TAFA2: variants seen among roughly 807,000 people sequenced by gnomAD.
TAFA2 encodes the protein chemokine-like protein TAFA-2.
Under a neutral mutation model 18.8 loss-of-function variants are expected in TAFA2, and 7 were observed. The observed-to-expected ratio is 0.37, with a 90% confidence interval of 0.21 to 0.70. The LOEUF is 0.70. Among genes scored for constraint, TAFA2 ranks in the 30% least tolerant of loss-of-function variants. The probability of loss-of-function intolerance (pLI) is 0.53; values close to 1 mark genes in which losing one functional copy is unlikely to be tolerated. For synonymous variants in TAFA2, 60 were observed against 54.2 expected (o/e 1.11, Z -0.47); for missense variants, 122 against 158.1 (o/e 0.77, Z 1.23).
At chr12:61,985,688 C>T (rs545078618) in intron 1 of TAFA2, among the ~76,000 whole-genome samples, 1 of 152,186 alleles carries the variant, frequency 6.6e-6, no homozygotes, top group Non-Finnish European at 1.5e-5. Context: ...TTGCTGATAA[C>T]ATCTTTCTCT....
chr12:61,889,349 A>G (rs1414176070), intron 1 of TAFA2, among the ~76,000 whole-genome samples: 2 of 152,196 alleles, frequency 1.3e-5, no homozygotes, highest in African/African-American at 4.8e-5. Context: ...CACCTCTCTT[A>G]GAATCTGTTC....
chr12:61,908,306 T>C (rs1876451593), intron 1 of TAFA2, among the ~76,000 whole-genome samples: 1 of 152,114 alleles, frequency 6.6e-6, no homozygotes. Flanking sequence ...CTGGTGCTTT[T>C]CTCATGATAG....
chr12:61,803,665 C>A (rs1441332601), intron 2 of TAFA2, among the ~76,000 whole-genome samples: 1 of 151,822 alleles, frequency 6.6e-6, no homozygotes, highest in Non-Finnish European at 1.5e-5. Context: ...TATTAGATAA[C>A]TATAGTTCAT....
chr12:62,162,335 G>A (rs555340030), intron 1 of TAFA2, among the ~76,000 whole-genome samples: 1 of 152,226 alleles, frequency 6.6e-6, no homozygotes, highest in Admixed American at 6.5e-5. Context: ...TAATTACCAG[G>A]TACACTTAGG....
At chr12:62,154,264 G>A (rs948539709) in intron 1 of TAFA2, among the ~76,000 whole-genome samples, 2 of 152,142 alleles carry the variant, frequency 1.3e-5, no homozygotes, top group Non-Finnish European at 2.9e-5. Flanking sequence ...ATCTATAACA[G>A]CTCTAACTAT....
chr12:62,034,595 A>C (rs1344388334), intron 1 of TAFA2, among the ~76,000 whole-genome samples: 2 of 152,158 alleles, frequency 1.3e-5, no homozygotes, highest in African/African-American at 2.4e-5. Context: ...TATTTGACTG[A>C]GTATATATTA....
intron 2 of TAFA2, among the ~76,000 whole-genome samples, chr12:61,832,057 C>T (rs1250327121): frequency 1.3e-5 from 2 of 152,006 alleles, no homozygotes; most frequent in South Asian, 2.1e-4. Context: ...TGAAATCTTC[C>T]TTCACGCTTG....
upstream of TAFA2, among the ~76,000 whole-genome samples, chr12:62,194,109 T>C (rs2062638502): frequency 6.6e-6 from 1 of 152,200 alleles, no homozygotes; most frequent in South Asian, 2.1e-4. Flanking sequence ...ACTTACATAG[T>C]AACTTATATC....
chr12:61,839,245 A>C (rs533890194), intron 2 of TAFA2, among the ~76,000 whole-genome samples: 1 of 152,204 alleles, frequency 6.6e-6, no homozygotes, highest in Admixed American at 6.6e-5. Context: ...CAGACAAAGA[A>C]GGAATATCCA....
chr12:62,258,792 T>C (rs1302520318), exon 1 of TAFA2: 9 of 352,018 alleles, frequency 2.6e-5, no homozygotes, highest in Non-Finnish European at 5.2e-5. Context: ...ATGTTTTCCA[T>C]ATTCTGCAGC....
chr12:61,870,063 GACA>G (rs1874532782), intron 1 of TAFA2, among the ~76,000 whole-genome samples: 1 of 152,092 alleles, frequency 6.6e-6, no homozygotes, highest in Non-Finnish European at 1.5e-5. Flanking sequence ...CTGATAACTA[GACA>G]TATGGAAACA....
At chr12:61,860,828 T>C (rs1874096324) in intron 2 of TAFA2, among the ~76,000 whole-genome samples, 2 of 152,224 alleles carry the variant, frequency 1.3e-5, no homozygotes, top group South Asian at 4.1e-4. Context: ...TAACCTGAAA[T>C]TTTATCTTCA....
At chr12:62,064,538 C>T (rs1460701563) in intron 1 of TAFA2, among the ~76,000 whole-genome samples, 1 of 152,114 alleles carries the variant, frequency 6.6e-6, no homozygotes, top group Non-Finnish European at 1.5e-5. Context: ...ATATACACCA[C>T]TCAAATCTGT....
At chr12:61,937,687 C>A (rs536889279) in intron 1 of TAFA2, among the ~76,000 whole-genome samples, 1 of 151,964 alleles carries the variant, frequency 6.6e-6, no homozygotes, top group Non-Finnish European at 1.5e-5. Context: ...ATCTCAGACC[C>A]GAAACCATAA....
intron 1 of TAFA2, among the ~76,000 whole-genome samples, chr12:62,069,485 G>A (rs1196232293): frequency 2.6e-5 from 4 of 151,962 alleles, no homozygotes; most frequent in African/African-American, 4.8e-5. Context: ...CAGATGCTAC[G>A]TACACCAGGA....
Position 62,244,758 on chromosome 12 carries a change from AT to A in TAFA2, c.-130+14004del, listed in dbSNP as rs543720464. Among the ~76,000 whole-genome samples the A allele has an allele frequency of 7.8e-3, 1,188 of 152,124 alleles. 7 individuals carry two copies. Among genetic ancestry groups the A allele is most frequent in the African/African-American group, 0.018 (766 of 41,482 alleles). On this transcript the variant is annotated intron_variant, in intron 1 of 5. Coordinates refer to the TAFA2 transcript ENST00000551619. ...CTAGATAATGTCAAACTTTTAAAAA[AT>A]TTGCCAAACTGATGGATGTGAAATG... is the stretch of plus-strand genomic sequence containing the variant.
At chr12:61,750,029 T>C (rs1039529522) in intron 4 of TAFA2, among the ~76,000 whole-genome samples, 8 of 151,438 alleles carry the variant, frequency 5.3e-5, no homozygotes, top group African/African-American at 1.7e-4. Context: ...TCACAGTCTG[T>C]TTTTTTCCGA....
At chr12:61,809,511 T>G (rs1186604562) in intron 2 of TAFA2, among the ~76,000 whole-genome samples, 1 of 151,226 alleles carries the variant, frequency 6.6e-6, no homozygotes, top group Non-Finnish European at 1.5e-5. Flanking sequence ...TCTTAGGGCA[T>G]TTGTCATAAT....
At chr12:61,859,347 T>C (rs1475475318) in intron 2 of TAFA2, among the ~76,000 whole-genome samples, 1 of 152,200 alleles carries the variant, frequency 6.6e-6, no homozygotes, top group African/African-American at 2.4e-5. Context: ...GCTCCCACCA[T>C]TGACACGTGG....
Sources: allele counts gnomAD v4.1 joint callset (sites outside exome capture counted in the v4.1 genomes callset), GRCh38; gene constraint gnomAD v4.1.1; transcripts MANE v1.5; gene names NCBI Gene and HGNC (gene_info 2026-07-23, HGNC 2026-07-21).